NRG1: variants seen among roughly 807,000 people sequenced by gnomAD.
The protein encoded by NRG1 is neuregulin 1, also known as pro-neuregulin-1, membrane-bound isoform.
NRG1 carries 18 observed loss-of-function variants against 63.8 expected under a neutral mutation model. The observed-to-expected ratio is 0.28, with a 90% CI of 0.19 to 0.42. The LOEUF (loss-of-function observed/expected upper bound fraction) is 0.42. NRG1 is among the 10% of genes least tolerant of loss of function. The probability of loss-of-function intolerance (pLI) is 1.00; values close to 1 mark genes in which losing one functional copy is unlikely to be tolerated. For synonymous variants in NRG1, 302 were observed against 301.3 expected (o/e 1.00, Z -0.02); for missense variants, 762 against 814.7 (o/e 0.94, Z 0.79).
chr8:32,067,437 C>T (rs894793817), intron 1 of NRG1, among the ~76,000 whole-genome samples: 4 of 152,126 alleles, frequency 2.6e-5, no homozygotes, highest in Non-Finnish European at 1.5e-5. Context: ...TCTGCATCTA[C>T]TGAGATAATC....
chr8:32,667,622 G>A (rs1804537686), intron 5 of NRG1, among the ~76,000 whole-genome samples: 1 of 152,016 alleles, frequency 6.6e-6, no homozygotes, highest in Non-Finnish European at 1.5e-5. Context: ...CTCTGGGTTT[G>A]TGAAGATGCA....
At chr8:32,307,891 C>CA (rs1281600808) in intron 1 of NRG1, among the ~76,000 whole-genome samples, 1 of 152,130 alleles carries the variant, frequency 6.6e-6, no homozygotes, top group African/African-American at 2.4e-5. Flanking sequence ...AACTTCAGCG[C>CA]AAATTGTGCA....
intron 1 of NRG1, among the ~76,000 whole-genome samples, chr8:32,396,376 C>A (rs950255138): frequency 6.6e-6 from 1 of 152,128 alleles, no homozygotes; most frequent in African/African-American, 2.4e-5. Context: ...TTCTTTAAAA[C>A]TTCTTTCAAC....
At chr8:31,927,436 CTACTTTT>C (rs1834452988) in intron 1 of NRG1, among the ~76,000 whole-genome samples, 2 of 125,056 alleles carry the variant, frequency 1.6e-5, no homozygotes, top group African/African-American at 5.8e-5. Flanking sequence ...ACAGAGAAAA[CTACTTTT>C]TTTTTTTTTT....
At chr8:31,770,361 G>T (rs895411096) in intron 1 of NRG1, among the ~76,000 whole-genome samples, 1 of 152,100 alleles carries the variant, frequency 6.6e-6, no homozygotes. Context: ...TAAAAGTCAA[G>T]TTGCTGCAGC....
chr8:32,294,069 T>A (rs918953711), intron 1 of NRG1, among the ~76,000 whole-genome samples: 1 of 152,062 alleles, frequency 6.6e-6, no homozygotes, highest in Non-Finnish European at 1.5e-5. Context: ...CACCCTCATG[T>A]GCCTGTCAAG....
At chr8:32,014,620 T>C (rs1344939584) in intron 1 of NRG1, among the ~76,000 whole-genome samples, 2 of 151,586 alleles carry the variant, frequency 1.3e-5, no homozygotes, top group Non-Finnish European at 2.9e-5. Context: ...TAGGAAAAAA[T>C]ATAGACTTTG....
intron 5 of NRG1, chr8:32,646,648 A>G (rs1853611151): frequency 2.1e-6 from 2 of 973,494 alleles, no homozygotes; most frequent in South Asian, 9.5e-5. Flanking sequence ...GAAAGCTGGC[A>G]AGGTGGGGGT....
intron 11 of NRG1, among the ~76,000 whole-genome samples, chr8:32,762,058 A>AG (rs1830806568): frequency 1.3e-5 from 2 of 151,122 alleles, no homozygotes; most frequent in East Asian, 1.9e-4. Flanking sequence ...AAAAAAAAAA[A>AG]AACATTCTGG....
chr8:31,823,117 C>CTTT (rs147209584), intron 1 of NRG1, among the ~76,000 whole-genome samples: 63 of 77,892 alleles, frequency 8.1e-4, no homozygotes, highest in South Asian at 1.7e-3. Flanking sequence ...TGTCCTTGTT[C>CTTT]TTTTTTTTTT....
At chr8:31,869,621 C>T (rs1250716725) in intron 1 of NRG1, among the ~76,000 whole-genome samples, 1 of 152,202 alleles carries the variant, frequency 6.6e-6, no homozygotes, top group African/African-American at 2.4e-5. Context: ...TTTTGCCTTT[C>T]AGGGATTATT....
At chr8:31,974,774 C>T (rs1337424732) in intron 1 of NRG1, among the ~76,000 whole-genome samples, 1 of 152,172 alleles carries the variant, frequency 6.6e-6, no homozygotes. Flanking sequence ...TTCCTTAAAG[C>T]CAGCTAATTC....
chr8:32,444,855 A>G (rs1413749033), intron 1 of NRG1, among the ~76,000 whole-genome samples: 1 of 152,184 alleles, frequency 6.6e-6, no homozygotes, highest in African/African-American at 2.4e-5. Flanking sequence ...TCTTACCTTT[A>G]GAGGAAGAGA....
chr8:32,034,632 T>A (rs1818761388), intron 1 of NRG1, among the ~76,000 whole-genome samples: 1 of 152,216 alleles, frequency 6.6e-6, no homozygotes, highest in South Asian at 2.1e-4. Context: ...CAGAGCTTGT[T>A]ATTGGTCTAC....
At chr8:31,824,238 C>T (rs915061234) in intron 1 of NRG1, among the ~76,000 whole-genome samples, 5 of 141,978 alleles carry the variant, frequency 3.5e-5, no homozygotes, top group Non-Finnish European at 7.5e-5. Context: ...AGTGTTCTCA[C>T]TGTTCAATTC....
intron 8 of NRG1, among the ~76,000 whole-genome samples, chr8:32,756,057 T>C (rs1455835726): frequency 6.6e-6 from 1 of 152,166 alleles, no homozygotes; most frequent in Non-Finnish European, 1.5e-5. Flanking sequence ...CAAATTATTA[T>C]CTAAGACAAA....
At chr8:32,416,461 A>G (rs1359097442) in intron 1 of NRG1, among the ~76,000 whole-genome samples, 2 of 151,818 alleles carry the variant, frequency 1.3e-5, no homozygotes, top group Non-Finnish European at 2.9e-5. Context: ...ATGAGGGCAT[A>G]ACTGGGAGGG....
intron 1 of NRG1, among the ~76,000 whole-genome samples, chr8:32,327,978 G>A (rs972686024): frequency 2.6e-5 from 4 of 152,150 alleles, no homozygotes; most frequent in African/African-American, 9.7e-5. Flanking sequence ...TGGGTTTTGG[G>A]GAAACCAGTT....
At chr8:32,472,943 A>G (rs1318574072) in intron 1 of NRG1, among the ~76,000 whole-genome samples, 1 of 152,168 alleles carries the variant, frequency 6.6e-6, no homozygotes, top group Non-Finnish European at 1.5e-5. Context: ...TTCTAATAGT[A>G]TTTTCGCTAT....
Sources: allele counts gnomAD v4.1 joint callset (sites outside exome capture counted in the v4.1 genomes callset), GRCh38; gene constraint gnomAD v4.1.1; transcripts MANE v1.5; gene names NCBI Gene and HGNC (gene_info 2026-07-23, HGNC 2026-07-21).